Variants in ZEB1 observed in about 807,000 individuals in gnomAD.
The protein encoded by ZEB1 is zinc finger E-box binding homeobox 1, also known as zinc finger E-box-binding homeobox 1.
A neutral mutation model predicts 84.9 loss-of-function variants in ZEB1; 21 were observed. The observed-to-expected ratio is 0.25, with a 90% CI of 0.18 to 0.36. The LOEUF (loss-of-function observed/expected upper bound fraction) is 0.36, where lower values mean the gene tolerates loss of function less well. ZEB1 is among the 10% of genes least tolerant of loss of function. The pLI, the probability that ZEB1 is intolerant of heterozygous loss-of-function variation, is 1.00. For missense variants in ZEB1, 1,104 were observed against 1,330.2 expected (o/e 0.83, Z 2.65); for synonymous variants, 420 against 471.1 (o/e 0.89, Z 1.41).
intron 1 of ZEB1, among the ~76,000 whole-genome samples, chr10:31,342,096 A>G (rs894909939): frequency 2.6e-5 from 4 of 152,186 alleles, no homozygotes; most frequent in African/African-American, 9.6e-5. Flanking sequence ...GTTGTTACAG[A>G]AGATTCTAGA....
chr10:31,433,617 G>T (rs967577901), intron 1 of ZEB1, among the ~76,000 whole-genome samples: 3 of 152,202 alleles, frequency 2.0e-5, no homozygotes, highest in Non-Finnish European at 4.4e-5. Context: ...ATGTCCAGCA[G>T]AAGTGTTTTG....
intron 2 of ZEB1, among the ~76,000 whole-genome samples, chr10:31,475,089 T>C (rs1000820828): frequency 2.0e-5 from 3 of 151,366 alleles, no homozygotes; most frequent in African/African-American, 4.9e-5. Flanking sequence ...AGGGATAGCA[T>C]TGGGAGATAT....
intron 1 of ZEB1, chr10:31,355,109 GTTGAGAAAGTAAATTA>G (rs1226050478): frequency 6.6e-6 from 1 of 152,156 alleles, no homozygotes; most frequent in Non-Finnish European, 1.5e-5. Context: ...TGCTTTAAGA[GTTGAGAAAGTAAATTA>G]TTCCTTTTTT....
intron 1 of ZEB1, among the ~76,000 whole-genome samples, chr10:31,452,359 C>G (rs1252614292): frequency 6.6e-6 from 1 of 151,922 alleles, no homozygotes; most frequent in African/African-American, 2.4e-5. Context: ...AGTAAGCTAA[C>G]ATTATCAGTT....
chr10:31,415,259 T>C (rs2055011339), intron 1 of ZEB1, among the ~76,000 whole-genome samples: 1 of 152,150 alleles, frequency 6.6e-6, no homozygotes, highest in Non-Finnish European at 1.5e-5. Context: ...GTAAAATATA[T>C]AGCCCCTTTA....
At chr10:31,414,874 G>A (rs1425977723) in intron 1 of ZEB1, among the ~76,000 whole-genome samples, 3 of 152,054 alleles carry the variant, frequency 2.0e-5, no homozygotes, top group Non-Finnish European at 4.4e-5. Context: ...TTTAAATAAA[G>A]CACACAAATC....
At position 31,513,480 on chromosome 10, in the gene ZEB1, G is replaced by A. The variant is rs558406223; in HGVS notation, c.688-1123G>A. On this transcript the variant is annotated intron_variant, in intron 5 of 8. Transcript: ENST00000424869. ...TTGGTTGTAAAAGTCTGGAGTTAAGGGGAGAGGTTTAGAGATACAAATGTG... is the reference window on the plus strand; with the variant it reads ...TTGGTTGTAAAAGTCTGGAGTTAAGAGGAGAGGTTTAGAGATACAAATGTG... Among the ~76,000 whole-genome samples, 3 of 152,260 alleles carry A rather than the reference G, an allele frequency of 2.0e-5. No homozygotes were observed. The South Asian group carries it at 6.2e-4, about 32-fold the overall frequency.
At chr10:31,352,024 A>G (rs1238470085) in intron 1 of ZEB1, among the ~76,000 whole-genome samples, 1 of 152,218 alleles carries the variant, frequency 6.6e-6, no homozygotes, top group Admixed American at 6.5e-5. Context: ...ATCATAATAC[A>G]TAGGCTATAT....
At chr10:31,514,242 C>A (rs2070652664) in intron 5 of ZEB1, among the ~76,000 whole-genome samples, 1 of 152,030 alleles carries the variant, frequency 6.6e-6, no homozygotes, top group African/African-American at 2.4e-5. Context: ...AATTGGAAAG[C>A]AAACAAGTTA....
chr10:31,340,880 G>A (rs1343863443), intron 1 of ZEB1, among the ~76,000 whole-genome samples: 3 of 151,942 alleles, frequency 2.0e-5, no homozygotes, highest in Admixed American at 6.6e-5. Flanking sequence ...GGAATAGGAA[G>A]AGAGGAATAG....
chr10:31,378,336 T>A (rs1333371237), intron 1 of ZEB1, among the ~76,000 whole-genome samples: 1 of 151,486 alleles, frequency 6.6e-6, no homozygotes, highest in Non-Finnish European at 1.5e-5. Flanking sequence ...CATCAGAAGT[T>A]AGTTGCTGTG....
chr10:31,401,641 TAAAC>T (rs2052023988), intron 1 of ZEB1, among the ~76,000 whole-genome samples: 1 of 152,168 alleles, frequency 6.6e-6, no homozygotes, highest in Non-Finnish European at 1.5e-5. Flanking sequence ...AGTTCTCTAA[TAAAC>T]CAACTGCACT....
chr10:31,525,615 C>CAAGG (rs1295735512), intron 8 of ZEB1, among the ~76,000 whole-genome samples: 1 of 152,200 alleles, frequency 6.6e-6, no homozygotes, highest in Non-Finnish European at 1.5e-5. Context: ...CACTACCAGC[C>CAAGG]ATTATGACTA....
rs546807169 is a variant in ZEB1 at position 31,353,177 on chromosome 10, C to T, written c.58+33885C>T. On this transcript the variant is annotated intron_variant, in intron 1 of 8. Coordinates refer to ENST00000424869, the MANE Select transcript of ZEB1 (RefSeq NM_001174096.2). ...AGTGAGATAATTTGGAAGTACACAG[C>T]GTAGTGCTGGAAATTCCATTACTCC... Among the ~76,000 whole-genome samples the T allele has an allele frequency of 5.3e-5, 8 of 152,300 alleles. No individual in the cohort carries two copies. In the South Asian group the frequency reaches 1.2e-3, roughly 24 times the overall value.
chr10:31,381,233 A>T (rs1385106870), intron 1 of ZEB1, among the ~76,000 whole-genome samples: 1 of 152,216 alleles, frequency 6.6e-6, no homozygotes, highest in African/African-American at 2.4e-5. Context: ...ATGATTAATT[A>T]TCTAGAAAAA....
intron 1 of ZEB1, chr10:31,373,131 A>G (rs2046000726): frequency 5.1e-6 from 5 of 985,386 alleles, no homozygotes; most frequent in South Asian, 9.4e-5. Context: ...GGAAAGCACT[A>G]TCAAGAAAGA....
chr10:31,428,486 C>T (rs1291199356), intron 1 of ZEB1, among the ~76,000 whole-genome samples: 2 of 152,128 alleles, frequency 1.3e-5, no homozygotes, highest in Non-Finnish European at 2.9e-5. Flanking sequence ...ATTATGTGAG[C>T]AGTTTTAGAG....
chr10:31,490,703 A>G (rs1176951938), intron 2 of ZEB1, among the ~76,000 whole-genome samples: 6 of 151,474 alleles, frequency 4.0e-5, no homozygotes, highest in South Asian at 4.2e-4. Flanking sequence ...ATCTTTTCCT[A>G]TGTGACTTGA....
intron 2 of ZEB1, among the ~76,000 whole-genome samples, chr10:31,478,260 T>A (rs2064532181): frequency 6.6e-6 from 1 of 151,960 alleles, no homozygotes; most frequent in Admixed American, 6.6e-5. Context: ...AAATGCTTAA[T>A]ATCACTAATC....
Sources: allele counts gnomAD v4.1 joint callset (sites outside exome capture counted in the v4.1 genomes callset), GRCh38; gene constraint gnomAD v4.1.1; transcripts MANE v1.5; gene names NCBI Gene and HGNC (gene_info 2026-07-23, HGNC 2026-07-21).